The following WDR4 variants were observed in gnomAD, a reference collection of about 807,000 sequenced individuals.
WDR4 encodes the protein tRNA (guanine-N(7)-)-methyltransferase non-catalytic subunit WDR4.
WDR4 carries 47 observed loss-of-function variants against 48.6 expected under a neutral mutation model. That is an observed-to-expected ratio of 0.97 (90% CI 0.77 to 1.23). WDR4 has a LOEUF of 1.23. Ranked by LOEUF, WDR4 falls within the 50% of genes most tolerant of loss-of-function variation. The pLI is 0.00. For synonymous variants in WDR4, 268 were observed against 230.0 expected, an observed-to-expected ratio of 1.17 and a Z score of -1.49; for missense variants, 606 against 551.6, an observed-to-expected ratio of 1.10 and a Z score of -0.99.
chr21:42,872,983 G>T (rs1010332152), intron 3 of WDR4, among the ~76,000 whole-genome samples: 1 of 152,096 alleles, frequency 6.6e-6, no homozygotes, highest in African/African-American at 2.4e-5. Flanking sequence ...GAACCTTTCC[G>T]GACTTTGCTA....
At chr21:42,881,657 T>C (rs780821392), upstream of WDR4, among the ~76,000 whole-genome samples, 2 of 152,192 alleles carry the variant, frequency 1.3e-5, no homozygotes, top group Admixed American at 1.3e-4. Context: ...TCACTACCAG[T>C]TTCCCCACTG....
At chr21:42,872,254 G>A (rs1272309964) in intron 3 of WDR4, among the ~76,000 whole-genome samples, 1 of 152,222 alleles carries the variant, frequency 6.6e-6, no homozygotes, top group African/African-American at 2.4e-5. Context: ...CTCCCAAAGT[G>A]CTAGGATTAC....
At chr21:42,864,094 C>A (rs13052506) in intron 3 of WDR4, among the ~76,000 whole-genome samples, 11,796 of 56,436 alleles carry the variant, frequency 0.21, 1,745 homozygotes, top group African/African-American at 0.26. Flanking sequence ...GGCGACAGAG[C>A]GAGACTCCGT....
intron 4 of WDR4, 48 bp downstream of exon 4, chr21:42,863,392 C>G: frequency 6.3e-7 from 1 of 1,581,892 alleles, no homozygotes; most frequent in Non-Finnish European, 8.6e-7. Context: ...CCCCATGTAC[C>G]GTGTCCCACA....
rs147294240 is a variant in WDR4, at chr21:42,852,279, G to A, written c.1021C>T (p.Arg341Cys). Residue 341 changes from arginine (R) to cysteine (C), a missense_variant, in exon 10 of 11, where the codon CGT becomes TGT. Coordinates refer to ENST00000398208, the MANE Select transcript of WDR4 (RefSeq NM_018669.6). Reference sequence around the variant, plus strand: ...CCTTCCAGCATGGCCCAGTTCCCACGAAGAACACCAGAGACTTTCTTTAAC... The same window carrying A: ...CCTTCCAGCATGGCCCAGTTCCCACAAAGAACACCAGAGACTTTCTTTAAC... ...TVLKKVSGVL[R>C]GNWAMLEGSA... is the part of the protein sequence containing the mutation. 8.8e-5 allele frequency: 142 copies of A among 1,614,154 alleles called. No homozygotes were observed. In the African/African-American group the frequency reaches 1.3e-3, roughly 15 times the overall value.
At chr21:42,875,451 A>T (rs181497294) in intron 2 of WDR4, among the ~76,000 whole-genome samples, 1 of 152,208 alleles carries the variant, frequency 6.6e-6, no homozygotes, top group East Asian at 1.9e-4. Flanking sequence ...GCTACTCAGG[A>T]GGCTGAGTCA....
rs766194496 is a variant in WDR4, at chr21:42,850,073, C to G, written c.1215G>C (p.Pro405=). 35 of 1,614,084 alleles carry G rather than the reference C, an allele frequency of 2.2e-5. No homozygotes were observed. Among genetic ancestry groups the G allele is most frequent in the Non-Finnish European group, 3.0e-5 (35 of 1,180,004 alleles). ...GPDGHAKKMR[P]GEATLSC ...ATCAGCAACTTAGCGTCGCCTCCCC[C>G]GGTCTCATCTTCTTGGCATGCCCGT... Residue 405 remains proline (P), a synonymous_variant, in exon 11 of 11, where the codon CCG becomes CCC. Transcript: ENST00000398208.
the WDR4 span, among the ~76,000 whole-genome samples, chr21:42,887,926 A>C: frequency 2.0e-5 from 3 of 152,154 alleles, no homozygotes; most frequent in Admixed American, 6.5e-5. Flanking sequence ...CGTGTCAAAA[A>C]AAAAACAAAA....
chr21:42,858,577 C>T (rs751063761), intron 6 of WDR4, among the ~76,000 whole-genome samples: 4 of 152,176 alleles, frequency 2.6e-5, no homozygotes, highest in Non-Finnish European at 5.9e-5. Flanking sequence ...TACCAGATGA[C>T]GTGTTCCACT....
chr21:42,861,256 G>T (rs1414350949), intron 5 of WDR4, among the ~76,000 whole-genome samples: 1 of 149,130 alleles, frequency 6.7e-6, no homozygotes, highest in Non-Finnish European at 1.5e-5. Flanking sequence ...AGAGGTTGCA[G>T]TGAGCCAAGA....
At chr21:42,883,098 CAAAA>C (rs35978225), upstream of WDR4, among the ~76,000 whole-genome samples, 1 of 87,306 alleles carries the variant, frequency 1.1e-5, no homozygotes. Context: ...GACTCCGTCT[CAAAA>C]AAAAAAAAAA....
chr21:42,855,589 G>A (rs2057966000), intron 7 of WDR4, 93 bp downstream of exon 7: 7 of 979,058 alleles, frequency 7.1e-6, no homozygotes, highest in South Asian at 1.9e-5. Flanking sequence ...GAGAGCAAAC[G>A]TTTCCAACGG....
Position 42,876,779 on chromosome 21 carries a change from T to C in WDR4, c.90-12A>G. Reference sequence around the variant, plus strand: ...GGCTGTCATCATCACTAAAGAGAAATAACAATAATTTTAAAAGGAGTTATC... The same window carrying C: ...GGCTGTCATCATCACTAAAGAGAAACAACAATAATTTTAAAAGGAGTTATC... On this transcript the variant is annotated splice_polypyrimidine_tract_variant and intron_variant, in intron 1 of 10. Transcript: ENST00000398208. 1.4e-5 allele frequency: 22 copies of C among 1,602,178 alleles called. No individual in the cohort carries two copies. The highest frequency in any genetic ancestry group is 1.8e-5 in the Non-Finnish European group (21 of 1,176,608).
Position 42,852,308 on chromosome 21 carries a change from G to A in WDR4, c.992C>T (p.Thr331Ile), listed in dbSNP as rs1164504826. Reference sequence around the variant, plus strand: ...AACACCAGAGACTTTCTTTAACACGGTGCTCTCAGGAACAGACTGCAGGCG... The same window carrying A: ...AACACCAGAGACTTTCTTTAACACGATGCTCTCAGGAACAGACTGCAGGCG... ...GDQWQSVPES[T>I]VLKKVSGVLR... The change falls in exon 10 of 11, where the codon ACC (threonine) becomes ATC (isoleucine). Residue 331 changes from threonine to isoleucine, a missense_variant. Thr to Ile is a moderately conservative substitution (Grantham distance 89). Transcript: ENST00000398208. 1 of 1,613,988 alleles carries A rather than the reference G, an allele frequency of 6.2e-7. No individual in the cohort carries two copies. The highest frequency in any genetic ancestry group is 2.2e-5 in the East Asian group (1 of 44,902).
upstream of WDR4, among the ~76,000 whole-genome samples, chr21:42,880,793 C>G (rs994565181): frequency 1.3e-5 from 2 of 152,154 alleles, no homozygotes; most frequent in African/African-American, 2.4e-5. Flanking sequence ...AGCCCACAGA[C>G]CTTTTTTCAC....
chr21:42,870,572 T>C (rs1232075918), intron 3 of WDR4, among the ~76,000 whole-genome samples: 1 of 84,518 alleles, frequency 1.2e-5, no homozygotes, highest in Non-Finnish European at 2.3e-5. Context: ...TACATCACCT[T>C]GAGGTCAGAG....
Position 42,863,436 on chromosome 21 carries a change from C to G in WDR4, c.453+4G>C. 3.1e-6 allele frequency: 5 copies of G among 1,608,004 alleles called. No individual in the cohort carries two copies. Among genetic ancestry groups the G allele is most frequent in the Middle Eastern group, 1.7e-4 (1 of 6,010 alleles). On this transcript the variant is annotated splice_donor_region_variant and intron_variant, in intron 4 of 10. Transcript: ENST00000398208. ...GTCCCCCACCTACCACGTCCCCCAC[C>G]TACCACATCTAACAGCATAGACAGG...
At chr21:42,889,839 C>G in the WDR4 span, among the ~76,000 whole-genome samples, 1 of 152,182 alleles carries the variant, frequency 6.6e-6, no homozygotes, top group Non-Finnish European at 1.5e-5. Flanking sequence ...CCTCGGCCTC[C>G]TGGGTTCACA....
the WDR4 span, among the ~76,000 whole-genome samples, chr21:42,889,728 G>A: frequency 6.6e-6 from 1 of 152,128 alleles, no homozygotes; most frequent in Non-Finnish European, 1.5e-5. Flanking sequence ...ATGATTTGGA[G>A]CCCAAGGGTT....
Sources: allele counts gnomAD v4.1 joint callset (sites outside exome capture counted in the v4.1 genomes callset), GRCh38; gene constraint gnomAD v4.1.1; transcripts MANE v1.5; gene names NCBI Gene and HGNC (gene_info 2026-07-23, HGNC 2026-07-21).